Variants in REEP3 observed in about 807,000 individuals in gnomAD.
REEP3 encodes receptor accessory protein 3.
REEP3 carries 20 observed loss-of-function variants against 41.3 expected under a neutral mutation model. The observed-to-expected ratio is 0.48, with a 90% CI of 0.34 to 0.70. The LOEUF is 0.70. Among genes scored for constraint, REEP3 ranks in the 30% least tolerant of loss-of-function variants. The pLI, the probability that REEP3 is intolerant of heterozygous loss-of-function variation, is 0.01. For missense variants in REEP3, 271 were observed against 308.8 expected (o/e 0.88, Z 0.92); for synonymous variants, 104 against 101.8 (o/e 1.02, Z -0.13).
intron 4 of REEP3, among the ~76,000 whole-genome samples, chr10:63,598,783 CAAAAA>C (rs557044785): frequency 2.1e-4 from 25 of 117,338 alleles, no homozygotes; most frequent in Non-Finnish European, 3.8e-4. Context: ...GACTCCATCT[CAAAAA>C]AAAAAAAAAA....
chr10:63,539,141 A>G (rs1955502647), intron 1 of REEP3, among the ~76,000 whole-genome samples: 1 of 152,138 alleles, frequency 6.6e-6, no homozygotes, highest in Non-Finnish European at 1.5e-5. Context: ...ACTTTAGGTT[A>G]AATAACACTT....
chr10:63,607,765 T>C (rs892744920), intron 5 of REEP3, among the ~76,000 whole-genome samples: 2 of 152,230 alleles, frequency 1.3e-5, no homozygotes, highest in Non-Finnish European at 2.9e-5. Flanking sequence ...AGGCAAAATA[T>C]ACCTATCCCA....
At chr10:63,580,540 C>T (rs1349399267) in intron 2 of REEP3, among the ~76,000 whole-genome samples, 1 of 151,056 alleles carries the variant, frequency 6.6e-6, no homozygotes, top group East Asian at 1.9e-4. Flanking sequence ...AAAATAAAAA[C>T]AAAATCAGGT....
intron 2 of REEP3, among the ~76,000 whole-genome samples, chr10:63,567,864 T>C (rs1955814916): frequency 6.6e-6 from 1 of 152,188 alleles, no homozygotes; most frequent in South Asian, 2.1e-4. Context: ...ATTAAACTTT[T>C]ACGGTCATTT....
chr10:63,578,185 C>T (rs1265990025), intron 2 of REEP3, among the ~76,000 whole-genome samples: 5 of 152,122 alleles, frequency 3.3e-5, no homozygotes, highest in African/African-American at 4.8e-5. Context: ...GTGCAACCTC[C>T]ACCTCGCAGG....
chr10:63,521,613 A>T, intron 1 of REEP3, 36 bp downstream of exon 1: 1 of 1,378,948 alleles, frequency 7.3e-7, no homozygotes, highest in Non-Finnish European at 9.5e-7. Context: ...AGCCGGCGCG[A>T]GGCCCAGGGG....
intron 1 of REEP3, among the ~76,000 whole-genome samples, chr10:63,554,480 T>C (rs1338404416): frequency 7.9e-5 from 12 of 152,248 alleles, no homozygotes. Context: ...CTATGAGCTA[T>C]ACATTGTATG....
rs1956361200 is a variant in REEP3, at chr10:63,622,500, C to G, written c.*1631C>G. The G allele has an allele frequency of 6.6e-6, 1 of 152,150 alleles. No individual in the cohort carries two copies. The highest frequency in any genetic ancestry group is 1.5e-5 in the Non-Finnish European group (1 of 68,026). The allele number at this position is 152,150 out of a possible 1,614,324, so 9.4% of individuals were successfully genotyped here. On this transcript the variant is annotated 3_prime_UTR_variant, in exon 8 of 8. Transcript: ENST00000373758. ...TAGCCTCTTAATTTCTGGAAGGACT[C>G]TAATTTCTATTCCAAATTTCTATGA...
chr10:63,605,947 T>TA (rs939600929), intron 5 of REEP3, among the ~76,000 whole-genome samples: 1 of 152,224 alleles, frequency 6.6e-6, no homozygotes, highest in Admixed American at 6.5e-5. Context: ...TGGGCCCACC[T>TA]AAATCCAAAA....
intron 1 of REEP3, chr10:63,521,928 C>G (rs1955267200): frequency 6.6e-6 from 1 of 150,670 alleles, no homozygotes; most frequent in South Asian, 2.1e-4. Flanking sequence ...CTGCTCCCCG[C>G]GCAGCGCGGC....
intron 1 of REEP3, among the ~76,000 whole-genome samples, chr10:63,552,430 A>G (rs1955638507): frequency 6.6e-6 from 1 of 152,190 alleles, no homozygotes; most frequent in South Asian, 2.1e-4. Flanking sequence ...AGAAAGAAAT[A>G]TAACATTGAT....
intron 1 of REEP3, among the ~76,000 whole-genome samples, chr10:63,535,150 G>C (rs919893348): frequency 6.6e-6 from 1 of 152,092 alleles, no homozygotes; most frequent in African/African-American, 2.4e-5. Flanking sequence ...AGAGAGGAAA[G>C]GAGGCTAAAG....
intron 1 of REEP3, among the ~76,000 whole-genome samples, chr10:63,555,396 A>G (rs982408806): frequency 6.6e-6 from 1 of 152,240 alleles, no homozygotes; most frequent in African/African-American, 2.4e-5. Context: ...TATTTTTCTT[A>G]AAATTTGTGT....
At chr10:63,559,072 A>G (rs1160389979) in intron 1 of REEP3, among the ~76,000 whole-genome samples, 4 of 152,182 alleles carry the variant, frequency 2.6e-5, no homozygotes, top group Admixed American at 2.6e-4. Context: ...TAATTCTTGC[A>G]TAAGTGTGGT....
chr10:63,596,148 A>G (rs1956112234), intron 3 of REEP3, among the ~76,000 whole-genome samples: 3 of 152,180 alleles, frequency 2.0e-5, no homozygotes, highest in Admixed American at 6.5e-5. Context: ...AAATATTTTT[A>G]ACAACCTTCC....
intron 1 of REEP3, among the ~76,000 whole-genome samples, chr10:63,532,660 A>G (rs1245590160): frequency 6.6e-6 from 1 of 151,890 alleles, no homozygotes; most frequent in Non-Finnish European, 1.5e-5. Flanking sequence ...CGTCAAAAAA[A>G]AAAAAAGAAA....
intron 2 of REEP3, among the ~76,000 whole-genome samples, chr10:63,592,825 G>A (rs570230322): frequency 1.1e-4 from 16 of 152,260 alleles, no homozygotes; most frequent in African/African-American, 3.9e-4. Context: ...CTAGAAAGGT[G>A]GAAGTTGCAG....
intron 2 of REEP3, among the ~76,000 whole-genome samples, chr10:63,579,042 G>T (rs1156314290): frequency 5.2e-4 from 24 of 45,958 alleles, no homozygotes; most frequent in Non-Finnish European, 9.4e-4. Flanking sequence ...GTTTTTTTTT[G>T]GGGGGGGGGA....
intron 6 of REEP3, among the ~76,000 whole-genome samples, chr10:63,612,961 G>A (rs543291335): frequency 5.9e-5 from 9 of 151,798 alleles, no homozygotes; most frequent in Non-Finnish European, 1.2e-4. Context: ...ATAAAAACAC[G>A]TTTATAAATA....
Sources: allele counts gnomAD v4.1 joint callset (sites outside exome capture counted in the v4.1 genomes callset), GRCh38; gene constraint gnomAD v4.1.1; transcripts MANE v1.5; gene names NCBI Gene and HGNC (gene_info 2026-07-23, HGNC 2026-07-21).